DGKH: variants seen among roughly 807,000 people sequenced by gnomAD.
DGKH encodes DAG kinase eta.
A neutral mutation model predicts 159.3 loss-of-function variants in DGKH; 90 were observed. The ratio of observed to expected loss-of-function variants is 0.57; its 90% CI spans 0.48 to 0.67. The LOEUF is 0.67. DGKH is among the 30% of genes least tolerant of loss of function. The pLI is 0.00. For missense variants in DGKH, 1,181 were observed against 1,506.1 expected, an observed-to-expected ratio of 0.78 and a Z score of 3.57; for synonymous variants, 536 against 553.8, an observed-to-expected ratio of 0.97 and a Z score of 0.45.
intron 17 of DGKH, among the ~76,000 whole-genome samples, chr13:42,198,143 T>C (rs1362782814): frequency 6.6e-6 from 1 of 152,206 alleles, no homozygotes; most frequent in Non-Finnish European, 1.5e-5. Context: ...CCTTATAGAC[T>C]TAATACCATC....
rs1328944026 is a variant in DGKH at position 42,225,381 on chromosome 13, G to C, written c.3574-3718G>C. 47 of 1,516,012 alleles carry C rather than the reference G, an allele frequency of 3.1e-5. 1 individual carries two copies. The East Asian group carries it at 1.1e-3, about 36-fold the overall frequency. 93.9% of individuals were successfully genotyped at this position (1,516,012 alleles called of 1,614,324 possible). ...GTTTATTTTTTGTTTTTTCTATTTG[G>C]AAAGTTGTGTATGTATGGCTGGAAG... On this transcript the variant is annotated intron_variant, in intron 29 of 29. Coordinates refer to ENST00000337343, the MANE Select transcript of DGKH (RefSeq NM_178009.5).
intron 1 of DGKH, among the ~76,000 whole-genome samples, chr13:42,124,956 G>T (rs1381509623): frequency 1.3e-5 from 2 of 152,054 alleles, no homozygotes; most frequent in Non-Finnish European, 2.9e-5. Context: ...TCTTACCATT[G>T]CTTCTGTGTG....
intron 1 of DGKH, among the ~76,000 whole-genome samples, chr13:42,094,250 CT>C (rs891575835): frequency 6.6e-6 from 1 of 152,018 alleles, no homozygotes; most frequent in Non-Finnish European, 1.5e-5. Context: ...CACCTGTACC[CT>C]AAAACTTAAA....
intron 29 of DGKH, among the ~76,000 whole-genome samples, chr13:42,226,004 G>A (rs1001204889): frequency 4.0e-5 from 6 of 151,876 alleles, no homozygotes; most frequent in Non-Finnish European, 5.9e-5. Context: ...TAATCAGAGC[G>A]AACAGACAAC....
intron 1 of DGKH, among the ~76,000 whole-genome samples, chr13:42,081,539 T>C (rs1463413485): frequency 6.6e-6 from 1 of 152,250 alleles, no homozygotes; most frequent in Non-Finnish European, 1.5e-5. Flanking sequence ...CTTTTTCTCC[T>C]ATTTTTAAAA....
intron 1 of DGKH, among the ~76,000 whole-genome samples, chr13:42,088,372 G>T (rs1284625744): frequency 6.6e-6 from 1 of 152,036 alleles, no homozygotes; most frequent in South Asian, 2.1e-4. Flanking sequence ...AAATACAAAA[G>T]ACATTTTCTG....
chr13:42,129,663 A>T (rs745356854), intron 3 of DGKH, 31 bp downstream of exon 3: 1 of 1,586,842 alleles, frequency 6.3e-7, no homozygotes, highest in Non-Finnish European at 8.6e-7. Flanking sequence ...CTCCCTTCTC[A>T]AAAGTTATAG....
At chr13:42,087,469 G>A (rs1954329791) in intron 1 of DGKH, among the ~76,000 whole-genome samples, 1 of 151,898 alleles carries the variant, frequency 6.6e-6, no homozygotes, top group African/African-American at 2.4e-5. Flanking sequence ...ATAGAAAAGG[G>A]GTTAGAAATG....
At chr13:42,125,261 A>G (rs144477951) in intron 1 of DGKH, among the ~76,000 whole-genome samples, 1 of 152,150 alleles carries the variant, frequency 6.6e-6, no homozygotes, top group African/African-American at 2.4e-5. Flanking sequence ...TTTACTTCTT[A>G]CAAGAAGCTC....
chr13:42,177,144 G>A (rs554594656), intron 12 of DGKH, among the ~76,000 whole-genome samples: 6 of 152,118 alleles, frequency 3.9e-5, no homozygotes, highest in African/African-American at 1.4e-4. Context: ...CAGGCCACCC[G>A]TCAGTGTTCA....
At chr13:42,056,056 G>A (rs1367724490) in intron 1 of DGKH, among the ~76,000 whole-genome samples, 2 of 152,180 alleles carry the variant, frequency 1.3e-5, no homozygotes, top group Admixed American at 1.3e-4. Flanking sequence ...TGGAACCACT[G>A]CTCTCCAGCC....
intron 16 of DGKH, among the ~76,000 whole-genome samples, chr13:42,193,909 T>A (rs1307553581): frequency 1.3e-5 from 2 of 152,198 alleles, no homozygotes; most frequent in Admixed American, 1.3e-4. Flanking sequence ...ACTCCTAAAT[T>A]GGTTAAAGGT....
intron 3 of DGKH, among the ~76,000 whole-genome samples, chr13:42,132,840 C>T (rs1234233086): frequency 2.6e-5 from 4 of 152,104 alleles, no homozygotes; most frequent in Non-Finnish European, 5.9e-5. Context: ...GCCATGATCC[C>T]AGCCTGGGCA....
chr13:42,090,905 G>T (rs1387995949), intron 1 of DGKH, among the ~76,000 whole-genome samples: 1 of 152,236 alleles, frequency 6.6e-6, no homozygotes. Flanking sequence ...CTGCTCTTCT[G>T]CCGGTGAGGA....
At chr13:42,209,847 G>T (rs1285899583) in intron 23 of DGKH, among the ~76,000 whole-genome samples, 2 of 152,098 alleles carry the variant, frequency 1.3e-5, no homozygotes, top group Admixed American at 1.3e-4. Context: ...TACTCTTTGA[G>T]TTGTACATCT....
chr13:42,147,333 A>G (rs1388477108), intron 3 of DGKH, among the ~76,000 whole-genome samples: 1 of 152,216 alleles, frequency 6.6e-6, no homozygotes, highest in African/African-American at 2.4e-5. Context: ...TTTAAACACT[A>G]TTAAAATGGC....
In DGKH at chr13:42,159,266, T is replaced by TTTTTTTTTTTTTTTTTTTTTTG; in HGVS notation, c.623_624insTTTTTTTTTTTTTTTTTTTTTG (p.Cys209PhefsTer9). ...GCTCTTTTTTTTTTTTTTTTTTTAG[T>TTTTTTTTTTTTTTTTTTTTTTG]GTGTAAATTCAAGGCTCACAAAAGA... On this transcript the variant is annotated frameshift_variant and splice_region_variant, in exon 6 of 30. Transcript: ENST00000337343. LOFTEE classifies it high-confidence loss of function. 7.5e-7 allele frequency: 1 copy of TTTTTTTTTTTTTTTTTTTTTTG among 1,332,564 alleles called. No individual in the cohort carries two copies. The highest frequency in any genetic ancestry group is 1.0e-6 in the Non-Finnish European group (1 of 961,740). The allele number at this position is 1,332,564 out of a possible 1,614,324, so 82.5% of individuals were successfully genotyped here.
rs1594255410 is a variant in DGKH at position 42,232,859 on chromosome 13, T to C, written c.*3671T>C. 1 of 152,258 alleles carries C rather than the reference T, an allele frequency of 6.6e-6. No individual in the cohort carries two copies. The highest frequency in any genetic ancestry group is 1.5e-5 in the Non-Finnish European group (1 of 68,056). The allele number at this position is 152,258 out of a possible 1,614,324, so 9.4% of individuals were successfully genotyped here. A position where few individuals can be genotyped will look rare whatever the true frequency, so the allele number is the denominator to read the frequency against. ...TGTAATTTAATTAAGCCAGGCATAA[T>C]GGCACAAGCCTGTAATTCCGGTGAC... On this transcript the variant is annotated 3_prime_UTR_variant, in exon 30 of 30. Transcript: ENST00000337343.
intron 3 of DGKH, among the ~76,000 whole-genome samples, chr13:42,141,418 T>TA (rs1393527049): frequency 6.6e-6 from 1 of 152,166 alleles, no homozygotes; most frequent in South Asian, 2.1e-4. Flanking sequence ...ATATACCCAG[T>TA]AATGGGATGG....
Sources: gnomAD v4.1 joint callset for allele counts (sites outside exome capture counted in the v4.1 genomes callset) on GRCh38, gnomAD v4.1.1 for gene constraint, MANE v1.5 for transcripts, NCBI Gene and HGNC (gene_info 2026-07-23, HGNC 2026-07-21) for gene names.